EIF2AK4: variants seen among roughly 807,000 people sequenced by gnomAD.
EIF2AK4 encodes the protein eukaryotic translation initiation factor 2 alpha kinase 4.
In EIF2AK4, 139 loss-of-function variants were observed where a neutral mutation model predicts 211.1. That is an observed-to-expected ratio of 0.66 (90% confidence interval 0.57 to 0.76). The LOEUF (loss-of-function observed/expected upper bound fraction) is 0.76, where lower values mean the gene tolerates loss of function less well. EIF2AK4 is among the 30% of genes least tolerant of loss of function. The pLI is 0.00. For synonymous variants in EIF2AK4, 710 were observed against 751.3 expected (o/e 0.94, Z 0.90); for missense variants, 1,664 against 2,043.8 (o/e 0.81, Z 3.58).
chr15:39,992,406 T>A, intron 17 of EIF2AK4, 177 bp downstream of exon 17: 1 of 558,594 alleles, frequency 1.8e-6, no homozygotes, highest in Non-Finnish European at 3.0e-6. Context: ...TATGAATTAT[T>A]CTTTGAACTT....
chr15:39,987,895 T>G (rs1275806884), intron 14 of EIF2AK4, 88 bp from the exon 15 acceptor site: 1 of 1,485,850 alleles, frequency 6.7e-7, no homozygotes, highest in African/African-American at 1.4e-5. Context: ...GGTACACGTT[T>G]TAAAATGGAG....
At chr15:39,945,811 C>T (rs1028845426) in intron 3 of EIF2AK4, among the ~76,000 whole-genome samples, 2 of 152,128 alleles carry the variant, frequency 1.3e-5, no homozygotes, top group African/African-American at 4.8e-5. Flanking sequence ...CTTACCATGC[C>T]CAAAGTTCCA....
intron 27 of EIF2AK4, 22 bp from the exon 28 acceptor site, chr15:40,016,480 A>ACT (rs771721908): frequency 1.9e-6 from 3 of 1,613,660 alleles, no homozygotes; most frequent in Non-Finnish European, 2.5e-6. Context: ...TGGGCAGCTG[A>ACT]CTGTGCCCCT....
chr15:39,998,677 G>C, intron 19 of EIF2AK4, 54 bp from the exon 20 acceptor site: 1 of 1,372,844 alleles, frequency 7.3e-7, no homozygotes, highest in African/African-American at 1.4e-5. Context: ...GTGAATAAAT[G>C]CTTTCACTGT....
At position 40,017,551 on chromosome 15, in the gene EIF2AK4, A is replaced by ACATG. The variant is rs1276859911; in HGVS notation, c.4065+309_4065+310insCATG. 8.6e-4 allele frequency among the ~76,000 whole-genome samples: 75 copies of ACATG among 87,082 alleles called. 4 individuals are homozygous for ACATG. The highest frequency in any genetic ancestry group is 3.1e-3 in the African/African-American group (69 of 22,378). The allele number at this position is 87,082 out of a possible 152,430, so 57.1% of individuals were successfully genotyped here. A position where few individuals can be genotyped will look rare whatever the true frequency, so the allele number is the denominator to read the frequency against. ...TATATATATATATATATATATATATATATGTATTTTGGAGACAGGGCCTTG... is the reference window on the plus strand; with the variant it reads ...TATATATATATATATATATATATATACATGTATGTATTTTGGAGACAGGGCCTTG... On this transcript the variant is annotated intron_variant, in intron 29 of 38. Transcript: ENST00000263791.
chr15:39,936,667 C>T (rs2034069209), intron 1 of EIF2AK4, among the ~76,000 whole-genome samples: 1 of 152,154 alleles, frequency 6.6e-6, no homozygotes, highest in East Asian at 1.9e-4. Flanking sequence ...GCCTCGCCTC[C>T]CAAAGTCCTG....
intron 8 of EIF2AK4, among the ~76,000 whole-genome samples, chr15:39,966,051 C>G (rs1444861947): frequency 1.3e-5 from 2 of 152,224 alleles, no homozygotes; most frequent in Non-Finnish European, 2.9e-5. Context: ...CAAAGCACTT[C>G]CAGCTGCCTT....
At chr15:39,934,624 A>G (rs1010764868) in intron 1 of EIF2AK4, among the ~76,000 whole-genome samples, 8 of 152,108 alleles carry the variant, frequency 5.3e-5, no homozygotes, top group Non-Finnish European at 1.0e-4. Flanking sequence ...CCTACATCCC[A>G]TAACATAACT....
At chr15:40,001,909 G>A (rs572171537) in intron 21 of EIF2AK4, among the ~76,000 whole-genome samples, 341 of 152,092 alleles carry the variant, frequency 2.2e-3, no homozygotes, top group Non-Finnish European at 4.0e-3. Flanking sequence ...TGCCAGTTTG[G>A]GAAGACTTTA....
chr15:39,996,687 G>T (rs1311309320), intron 18 of EIF2AK4, among the ~76,000 whole-genome samples: 1 of 152,066 alleles, frequency 6.6e-6, no homozygotes, highest in Non-Finnish European at 1.5e-5. Flanking sequence ...CTTCAGCCTG[G>T]GTGACAGAGT....
At chr15:39,990,509 G>T (rs918010094) in intron 16 of EIF2AK4, 132 bp downstream of exon 16, 4 of 744,458 alleles carry the variant, frequency 5.4e-6, no homozygotes, top group Non-Finnish European at 6.7e-6. Flanking sequence ...ATACAAACCT[G>T]AAGGGGTATG....
intron 14 of EIF2AK4, among the ~76,000 whole-genome samples, chr15:39,986,141 T>A (rs150613466): frequency 2.6e-5 from 4 of 152,344 alleles, no homozygotes; most frequent in Non-Finnish European, 5.9e-5. Context: ...TGGATCCACC[T>A]GTTAGGACTG....
At chr15:39,984,091 C>T (rs540328736) in intron 13 of EIF2AK4, among the ~76,000 whole-genome samples, 1 of 152,176 alleles carries the variant, frequency 6.6e-6, no homozygotes, top group Non-Finnish European at 1.5e-5. Context: ...TTTCCCAACA[C>T]CATTTATTAA....
At chr15:40,001,653 A>G (rs1374765525) in intron 21 of EIF2AK4, among the ~76,000 whole-genome samples, 1 of 140,602 alleles carries the variant, frequency 7.1e-6, no homozygotes, top group Non-Finnish European at 1.6e-5. Context: ...AAAAAAAAAG[A>G]AACAGTGCAT....
chr15:39,963,289 A>G (rs1445464256), intron 7 of EIF2AK4, among the ~76,000 whole-genome samples: 1 of 152,246 alleles, frequency 6.6e-6, no homozygotes. Context: ...AAGTGACAAC[A>G]TAAAACTACT....
intron 6 of EIF2AK4, among the ~76,000 whole-genome samples, chr15:39,956,120 C>G (rs1282160518): frequency 3.3e-5 from 5 of 151,496 alleles, no homozygotes; most frequent in Middle Eastern, 3.2e-3. Flanking sequence ...ATTCTCCTGC[C>G]TCAGCCTCCC....
At position 39,976,669 on chromosome 15, in the gene EIF2AK4, G is replaced by T; in HGVS notation, c.2074G>T (p.Gly692Cys). The change falls in exon 12 of 39, where the codon GGC (glycine) becomes TGC (cysteine). Residue 692 changes from glycine (G) to cysteine (C), a missense_variant. This residue lies in a region of EIF2AK4 where 206 missense variants were observed against 201.9 expected (regional missense o/e 1.02). Transcript: ENST00000263791. ...ARGQPASDTD[G>C]LDSVEAAAPP... Reference sequence around the variant, plus strand: ...CGGGCAGCCGGCGAGCGACACAGACGGCCTGGACAGCGTAGAGGCCGCCGC... The same window carrying T: ...CGGGCAGCCGGCGAGCGACACAGACTGCCTGGACAGCGTAGAGGCCGCCGC... The T allele has an allele frequency of 1.2e-6, 2 of 1,604,710 alleles. No homozygotes were observed. Among genetic ancestry groups the T allele is most frequent in the South Asian group, 2.2e-5 (2 of 90,600 alleles).
Position 40,029,150 on chromosome 15 carries a change from C to A in EIF2AK4, c.4503-256C>A, listed in dbSNP as rs3736290. 115,040 of 224,022 alleles carry A rather than the reference C, an allele frequency of 0.51. 29,671 individuals are homozygous for A. Among genetic ancestry groups the A allele is most frequent in the Non-Finnish European group, 0.53 (71,620 of 134,050 alleles). The allele number at this position is 224,022 out of a possible 1,614,324, so 13.9% of individuals were successfully genotyped here. A position where few individuals can be genotyped will look rare whatever the true frequency, so the allele number is the denominator to read the frequency against. On this transcript the variant is annotated intron_variant, in intron 33 of 38. Coordinates refer to ENST00000263791, the MANE Select transcript of EIF2AK4 (RefSeq NM_001013703.4). ...CTTATTGTGTGGATCCAGGATTTCACGCCCAGCTGAATAAATCAGAATGTT... is the reference window on the plus strand; with the variant it reads ...CTTATTGTGTGGATCCAGGATTTCAAGCCCAGCTGAATAAATCAGAATGTT...
rs199883796 is a variant in EIF2AK4 at position 39,988,019 on chromosome 15, A to G, written c.2440A>G (p.Ile814Val). 1.2e-6 allele frequency: 2 copies of G among 1,614,174 alleles called. No individual in the cohort carries two copies. Among genetic ancestry groups the G allele is most frequent in the African/African-American group, 1.3e-5 (1 of 75,058 alleles). The change falls in exon 15 of 39, where the codon ATT (isoleucine) becomes GTT (valine). Residue 814 changes from isoleucine (I) to valine (V), a missense_variant. Physicochemically the swap from Ile to Val is conservative, Grantham distance 29. Coordinates refer to ENST00000263791, the MANE Select transcript of EIF2AK4 (RefSeq NM_001013703.4). ...TGAGAAGAGCACTTTACGAGACACCATTGACCAGGGACTGTATCGAGACAC... is the reference window on the plus strand; with the variant it reads ...TGAGAAGAGCACTTTACGAGACACCGTTGACCAGGGACTGTATCGAGACAC... ...YCEKSTLRDT[I>V]DQGLYRDTVR... is the part of the protein sequence containing the mutation.
Sources: allele counts gnomAD v4.1 joint callset (sites outside exome capture counted in the v4.1 genomes callset), GRCh38; gene constraint gnomAD v4.1.1; regional missense constraint gnomAD v4.1.1; transcripts MANE v1.5; gene names NCBI Gene and HGNC (gene_info 2026-07-23, HGNC 2026-07-21).